The following PGRMC2 variants were observed in gnomAD, a reference collection of about 807,000 sequenced individuals.
PGRMC2 encodes the protein membrane-associated progesterone receptor component 2.
In PGRMC2, 9 loss-of-function variants were observed where a neutral mutation model predicts 19.3. That is an observed-to-expected ratio of 0.47 (90% CI 0.28 to 0.81). PGRMC2 has a LOEUF of 0.81. Among genes scored for constraint, PGRMC2 ranks in the 40% least tolerant of loss-of-function variants. The probability of loss-of-function intolerance (pLI) is 0.11; values close to 1 mark genes in which losing one functional copy is unlikely to be tolerated. For synonymous variants in PGRMC2, 157 were observed against 124.6 expected, an observed-to-expected ratio of 1.26 and a Z score of -1.73; for missense variants, 289 against 297.3, an observed-to-expected ratio of 0.97 and a Z score of 0.21.
At chr4:128,279,574 A>C (rs1398217687) in intron 1 of PGRMC2, among the ~76,000 whole-genome samples, 1 of 152,246 alleles carries the variant, frequency 6.6e-6, no homozygotes, top group Non-Finnish European at 1.5e-5. Context: ...CACATGTGTA[A>C]AATGACATGT....
rs1016098856 is a variant in PGRMC2 at position 128,269,530 on chromosome 4, A to C, written c.*1786T>G. On this transcript the variant is annotated 3_prime_UTR_variant, in exon 3 of 3. Transcript: ENST00000296425. ...CTTCAGCAAAGATTTGGCTGAAGAT[A>C]ACTTTCTACAAAACACTCCAAGACT... 2 of 151,680 alleles carry C rather than the reference A, an allele frequency of 1.3e-5. No homozygotes were observed. Among genetic ancestry groups the C allele is most frequent in the African/African-American group, 4.9e-5 (2 of 40,952 alleles). 9.4% of individuals were successfully genotyped at this position (151,680 alleles called of 1,614,324 possible). A position where few individuals can be genotyped will look rare whatever the true frequency, so the allele number is the denominator to read the frequency against.
chr4:128,280,493 A>C (rs1274838576), intron 1 of PGRMC2, among the ~76,000 whole-genome samples: 2 of 152,134 alleles, frequency 1.3e-5, no homozygotes, highest in Admixed American at 1.3e-4. Flanking sequence ...TCTCAACTAC[A>C]ACCAAAAGGA....
At chr4:128,274,171 A>C (rs2110558834) in intron 1 of PGRMC2, among the ~76,000 whole-genome samples, 1 of 152,324 alleles carries the variant, frequency 6.6e-6, no homozygotes, top group Non-Finnish European at 1.5e-5. Flanking sequence ...AACACAATTT[A>C]CCACTGGCCA....
chr4:128,287,203 G>C lies in PGRMC2; in HGVS notation c.418+170C>G, dbSNP rs564383092. The C allele has an allele frequency of 5.5e-4, 337 of 612,558 alleles. 3 individuals are homozygous for C. The highest frequency in any genetic ancestry group is 3.9e-3 in the Admixed American group (109 of 28,246). 37.9% of individuals were successfully genotyped at this position (612,558 alleles called of 1,614,324 possible). The stretch of plus-strand genomic sequence containing the variant: ...GAGGTGCCCGTAGCTGCGGGGGGAC[G>C]GTGTGTGTGTAGGGGCGGGATGGGC... On this transcript the variant is annotated intron_variant, in intron 1 of 2. Transcript: ENST00000296425.
At chr4:128,282,671 T>C (rs931470849) in intron 1 of PGRMC2, among the ~76,000 whole-genome samples, 7 of 152,200 alleles carry the variant, frequency 4.6e-5, no homozygotes, top group Non-Finnish European at 8.8e-5. Context: ...ACAAAGCCAG[T>C]TGGCTTCAAA....
intron 1 of PGRMC2, among the ~76,000 whole-genome samples, chr4:128,275,951 C>A (rs1760805407): frequency 6.6e-6 from 1 of 152,186 alleles, no homozygotes; most frequent in Non-Finnish European, 1.5e-5. Context: ...ATCTTGAACT[C>A]CTGGCCTCAA....
intron 1 of PGRMC2, 118 bp downstream of exon 1, chr4:128,287,254 CG>C: frequency 8.2e-7 from 1 of 1,221,542 alleles, no homozygotes; most frequent in Non-Finnish European, 1.1e-6. Flanking sequence ...GGCCGAGGCG[CG>C]GGGGTCCCGG....
At chr4:128,285,463 G>C (rs1405158287) in intron 1 of PGRMC2, among the ~76,000 whole-genome samples, 1 of 152,170 alleles carries the variant, frequency 6.6e-6, no homozygotes, top group Non-Finnish European at 1.5e-5. Context: ...ACAAACGTTT[G>C]CCACTGGAGG....
chr4:128,286,026 C>T, intron 1 of PGRMC2, among the ~76,000 whole-genome samples: 1 of 151,782 alleles, frequency 6.6e-6, no homozygotes, highest in Non-Finnish European at 1.5e-5. Context: ...TTCCAATGAA[C>T]AAACTACAAA....
chr4:128,287,297 C>T, intron 1 of PGRMC2, 76 bp downstream of exon 1: 1 of 1,496,038 alleles, frequency 6.7e-7, no homozygotes, highest in Non-Finnish European at 9.0e-7. Flanking sequence ...TAACCCGGTG[C>T]CCAGAGGCCT....
intron 1 of PGRMC2, among the ~76,000 whole-genome samples, chr4:128,284,110 C>T (rs893258458): frequency 5.9e-5 from 9 of 151,982 alleles, no homozygotes; most frequent in African/African-American, 1.2e-4. Flanking sequence ...CGTGCCTGGC[C>T]GAAAGGCATG....
chr4:128,281,623 T>G (rs545610199), intron 1 of PGRMC2, among the ~76,000 whole-genome samples: 1 of 152,204 alleles, frequency 6.6e-6, no homozygotes, highest in South Asian at 2.1e-4. Context: ...ACATATACAC[T>G]AATTAAGCTA....
intron 1 of PGRMC2, chr4:128,286,935 CTTTAG>C (rs1053331426): frequency 6.2e-5 from 24 of 385,072 alleles, no homozygotes; most frequent in African/African-American, 3.9e-4. Context: ...GAGCCCAAAA[CTTTAG>C]TTTAGGTCCC....
At chr4:128,273,505 A>C (rs1760763316) in intron 1 of PGRMC2, among the ~76,000 whole-genome samples, 1 of 152,198 alleles carries the variant, frequency 6.6e-6, no homozygotes, top group African/African-American at 2.4e-5. Flanking sequence ...AAGAAACTCA[A>C]GATTCTGTAA....
intron 2 of PGRMC2, among the ~76,000 whole-genome samples, chr4:128,271,754 C>G (rs1760733690): frequency 6.6e-6 from 1 of 152,192 alleles, no homozygotes; most frequent in South Asian, 2.1e-4. Context: ...TAAACCAGAA[C>G]AGCTGTTCCA....
chr4:128,283,339 A>G (rs1760936951), intron 1 of PGRMC2, among the ~76,000 whole-genome samples: 1 of 152,188 alleles, frequency 6.6e-6, no homozygotes, highest in African/African-American at 2.4e-5. Flanking sequence ...AAAATTAGCG[A>G]TACTAAGCTC....
chr4:128,272,445 G>A lies in PGRMC2; in HGVS notation c.491C>T (p.Ala164Val). Reference protein sequence around the residue: ...GLATFCLDKDALRDEYDDLSD... With the variant: ...GLATFCLDKDVLRDEYDDLSD... ...GAGATCATCATATTCATCTCTAAGT[G>A]CATCTTTATCTAGGCAAAATGTGGC... The change falls in exon 2 of 3, where the codon GCA becomes GTA. Residue 164 changes from alanine to valine, a missense_variant. By Grantham distance (64) the Ala-to-Val change is moderately conservative. Coordinates refer to ENST00000296425, the MANE Select transcript of PGRMC2 (RefSeq NM_006320.6). 6.3e-7 allele frequency: 1 copy of A among 1,587,678 alleles called. No individual in the cohort carries two copies. Among genetic ancestry groups the A allele is most frequent in the Non-Finnish European group, 8.6e-7 (1 of 1,167,228 alleles).
intron 1 of PGRMC2, among the ~76,000 whole-genome samples, chr4:128,275,783 C>T (rs1045357891): frequency 2.6e-5 from 4 of 152,078 alleles, no homozygotes; most frequent in South Asian, 2.1e-4. Flanking sequence ...TGGAGTACAG[C>T]GGCTCAATCA....
intron 1 of PGRMC2, among the ~76,000 whole-genome samples, chr4:128,282,273 G>A (rs1350917198): frequency 6.6e-6 from 1 of 152,178 alleles, no homozygotes; most frequent in Non-Finnish European, 1.5e-5. Flanking sequence ...ACTGGATATA[G>A]GCTCCAAAAG....
Sources: gnomAD v4.1 joint callset for allele counts (sites outside exome capture counted in the v4.1 genomes callset) on GRCh38, gnomAD v4.1.1 for gene constraint, MANE v1.5 for transcripts, NCBI Gene and HGNC (gene_info 2026-07-23, HGNC 2026-07-21) for gene names.